Variants in DYDC2 observed in about 807,000 individuals in gnomAD.
DYDC2 encodes DPY30 domain containing 2.
In DYDC2, 19 loss-of-function variants were observed where a neutral mutation model predicts 18.7. The observed-to-expected ratio is 1.02, with a 90% confidence interval of 0.71 to 1.49. The LOEUF (loss-of-function observed/expected upper bound fraction) is 1.49, where lower values mean the gene tolerates loss of function less well. Among genes scored for constraint, DYDC2 ranks in the 40% most tolerant of loss-of-function variants. The pLI is 0.00. For missense variants in DYDC2, 179 were observed against 205.1 expected, an observed-to-expected ratio of 0.87 and a Z score of 0.78; for synonymous variants, 63 against 67.6, an observed-to-expected ratio of 0.93 and a Z score of 0.34.
At chr10:80,353,398 G>A (rs927093253), upstream of DYDC2, among the ~76,000 whole-genome samples, 2 of 151,150 alleles carry the variant, frequency 1.3e-5, no homozygotes, top group African/African-American at 2.4e-5. Flanking sequence ...TCCTGACCTC[G>A]TGATCCGCCC....
chr10:80,347,588 C>G (rs1352692631), intron 1 of DYDC2, among the ~76,000 whole-genome samples: 3 of 152,108 alleles, frequency 2.0e-5, no homozygotes, highest in Non-Finnish European at 4.4e-5. Flanking sequence ...AGTTTCAGGT[C>G]TTCCATTTAG....
At chr10:80,363,954 T>A (rs554408732) in intron 4 of DYDC2, among the ~76,000 whole-genome samples, 1 of 152,314 alleles carries the variant, frequency 6.6e-6, no homozygotes, top group African/African-American at 2.4e-5. Flanking sequence ...CTCCCACAGT[T>A]TTTTTCACAA....
Position 80,367,003 on chromosome 10 carries a change from G to T in DYDC2, c.*52G>T. 1 of 1,552,802 alleles carries T rather than the reference G, an allele frequency of 6.4e-7. No individual in the cohort carries two copies. Among genetic ancestry groups the T allele is most frequent in the Non-Finnish European group, 8.7e-7 (1 of 1,154,328 alleles). On this transcript the variant is annotated 3_prime_UTR_variant, in exon 5 of 5. Transcript: ENST00000256039. The stretch of plus-strand genomic sequence containing the variant: ...TACTTCTCTCAAAGCTAGAAGCCAA[G>T]AAAATGGCCAGCTAGAACCAAGATT...
At chr10:80,357,589 T>C (rs1440687713) in intron 1 of DYDC2, among the ~76,000 whole-genome samples, 1 of 152,146 alleles carries the variant, frequency 6.6e-6, no homozygotes, top group Non-Finnish European at 1.5e-5. Flanking sequence ...TCTGCACCTT[T>C]GCTCTTGCTG....
At chr10:80,351,467 T>G (rs1842967714) in intron 1 of DYDC2, among the ~76,000 whole-genome samples, 1 of 151,346 alleles carries the variant, frequency 6.6e-6, no homozygotes, top group Non-Finnish European at 1.5e-5. Context: ...ATTTTCCACC[T>G]CCCCTGCCTA....
At chr10:80,352,268 C>T (rs1233560807), upstream of DYDC2, among the ~76,000 whole-genome samples, 1 of 152,126 alleles carries the variant, frequency 6.6e-6, no homozygotes, top group East Asian at 1.9e-4. Flanking sequence ...AAGGAATTAC[C>T]TAAAAATCTA....
At position 80,363,506 on chromosome 10, in the gene DYDC2, G is replaced by A. The variant is rs1045565862; in HGVS notation, c.270+433G>A. On this transcript the variant is annotated intron_variant, in intron 4 of 4. Transcript: ENST00000256039. ...ACTACAGGCACATGCCACCACGCCC[G>A]GCTAATTTTTTTTTTTTTTTTTTAG... 8.0e-5 allele frequency among the ~76,000 whole-genome samples: 9 copies of A among 112,554 alleles called. No individual in the cohort carries two copies. The East Asian group carries it at 1.1e-3, about 14-fold the overall frequency. 73.8% of individuals were successfully genotyped at this position (112,554 alleles called of 152,430 possible).
upstream of DYDC2, among the ~76,000 whole-genome samples, chr10:80,353,499 G>A (rs571334178): frequency 2.0e-5 from 3 of 151,518 alleles, no homozygotes; most frequent in African/African-American, 7.3e-5. Context: ...GAAAAATGGA[G>A]CAACCAATCT....
At chr10:80,362,244 A>G (rs532986072) in intron 2 of DYDC2, among the ~76,000 whole-genome samples, 191 bp from the exon 3 acceptor site, 57 of 152,244 alleles carry the variant, frequency 3.7e-4, no homozygotes, top group Non-Finnish European at 7.3e-4. Context: ...GCCAGGTCCT[A>G]GGTTGTTTCA....
chr10:80,357,738 C>T (rs975187671), intron 1 of DYDC2, among the ~76,000 whole-genome samples, 155 bp from the exon 2 acceptor site: 6 of 151,564 alleles, frequency 4.0e-5, no homozygotes, highest in African/African-American at 1.5e-4. Context: ...CCTGTGCTCT[C>T]TTTCAGCTTA....
At chr10:80,351,614 G>C (rs762243877) in intron 1 of DYDC2, among the ~76,000 whole-genome samples, 1 of 151,990 alleles carries the variant, frequency 6.6e-6, no homozygotes, top group South Asian at 2.1e-4. Flanking sequence ...TTTGCCTTCT[G>C]TGACAGCACA....
At chr10:80,357,055 C>A (rs1843423218) in intron 1 of DYDC2, among the ~76,000 whole-genome samples, 1 of 60,584 alleles carries the variant, frequency 1.7e-5, no homozygotes, top group Admixed American at 2.3e-4. Context: ...AGGGGTCGTG[C>A]GGAAGGGGGC....
intron 1 of DYDC2, among the ~76,000 whole-genome samples, chr10:80,345,763 C>T (rs182335305): frequency 1.5e-4 from 23 of 152,166 alleles, no homozygotes; most frequent in Non-Finnish European, 4.4e-5. Flanking sequence ...ATGGCAGGAC[C>T]TACTTCTTTC....
At position 80,363,017 on chromosome 10, in the gene DYDC2, G is replaced by A. The variant is rs771149006; in HGVS notation, c.214G>A (p.Glu72Lys). The A allele has an allele frequency of 6.2e-7, 1 of 1,613,982 alleles. No individual in the cohort carries two copies. Among genetic ancestry groups the A allele is most frequent in the Admixed American group, 1.7e-5 (1 of 59,980 alleles). ...TAGCCTCAAGGAAATGGAAATGACA[G>A]AAATGCTGAAACAGGAAGAGTATCA... ...DSSLKEMEMTEMLKQEEYQIQ... is the reference protein window; with the variant it reads ...DSSLKEMEMTKMLKQEEYQIQ... The change falls in exon 4 of 5, where the codon GAA (glutamate) becomes AAA (lysine). Residue 72 changes from glutamate to lysine, a missense_variant. By Grantham distance (56) the Glu-to-Lys change is moderately conservative (BLOSUM62 1). Transcript: ENST00000256039.
chr10:80,349,112 C>T (rs1589514799), intron 1 of DYDC2, among the ~76,000 whole-genome samples: 1 of 152,242 alleles, frequency 6.6e-6, no homozygotes, highest in African/African-American at 2.4e-5. Flanking sequence ...AGGATGGTCT[C>T]GATCTCCTGA....
Position 80,357,172 on chromosome 10 carries a change from CAG to C in DYDC2, c.-163+352_-163+353del, listed in dbSNP as rs564074595. ...AGAGCGCGCACGAGGGGGCAACGGGCAGAGAGGAGAGGGAATGAAAGAAGGGG... is the reference window on the plus strand; with the variant it reads ...AGAGCGCGCACGAGGGGGCAACGGGCAGAGGAGAGGGAATGAAAGAAGGGG... On this transcript the variant is annotated intron_variant, in intron 1 of 4. Coordinates refer to ENST00000256039, the MANE Select transcript of DYDC2 (RefSeq NM_032372.6). Among the ~76,000 whole-genome samples the C allele has an allele frequency of 8.2e-3, 1,091 of 133,092 alleles. 14 individuals carry two copies. Among genetic ancestry groups the C allele is most frequent in the African/African-American group, 0.03 (1,041 of 34,150 alleles). The allele number at this position is 133,092 out of a possible 152,430, so 87.3% of individuals were successfully genotyped here. A position where few individuals can be genotyped will look rare whatever the true frequency, so the allele number is the denominator to read the frequency against.
intron 2 of DYDC2, among the ~76,000 whole-genome samples, chr10:80,359,432 T>A (rs1210753415): frequency 6.6e-6 from 1 of 152,194 alleles, no homozygotes; most frequent in Non-Finnish European, 1.5e-5. Flanking sequence ...CCAAATGGCT[T>A]CACCTAGTGG....
upstream of DYDC2, among the ~76,000 whole-genome samples, chr10:80,353,217 T>C (rs1023320416): frequency 6.6e-6 from 1 of 151,978 alleles, no homozygotes; most frequent in Admixed American, 6.5e-5. Context: ...TAATAACATA[T>C]GAAGCTCCTC....
intron 1 of DYDC2, among the ~76,000 whole-genome samples, chr10:80,351,568 G>C (rs1324957764): frequency 6.6e-6 from 1 of 152,064 alleles, no homozygotes; most frequent in African/African-American, 2.4e-5. Context: ...AATAGATATG[G>C]TTGACCACTC....
Sources: allele counts gnomAD v4.1 joint callset (sites outside exome capture counted in the v4.1 genomes callset), GRCh38; gene constraint gnomAD v4.1.1; transcripts MANE v1.5; gene names NCBI Gene and HGNC (gene_info 2026-07-23, HGNC 2026-07-21).